Variants in CSMD2 observed in about 807,000 individuals in gnomAD.
CSMD2 encodes the protein CUB and Sushi multiple domains 2, also known as CUB and sushi domain-containing protein 2.
Under a neutral mutation model 398.5 loss-of-function variants are expected in CSMD2, and 130 were observed. The observed-to-expected ratio is 0.33, with a 90% CI of 0.28 to 0.38. The LOEUF (loss-of-function observed/expected upper bound fraction) is 0.38, where lower values mean the gene tolerates loss of function less well. Ranked by LOEUF, CSMD2 falls within the 10% of genes least tolerant of loss-of-function variation. The probability of loss-of-function intolerance (pLI) is 1.00; values close to 1 mark genes in which losing one functional copy is unlikely to be tolerated. For synonymous variants in CSMD2, 1,828 were observed against 1,908.5 expected (o/e 0.96, Z 1.10); for missense variants, 3,829 against 4,764.9 (o/e 0.80, Z 5.78).
intron 24 of CSMD2, among the ~76,000 whole-genome samples, chr1:33,697,700 C>T (rs1016322923): frequency 3.9e-5 from 6 of 152,258 alleles, no homozygotes; most frequent in Non-Finnish European, 7.3e-5. Flanking sequence ...AAAACATTCT[C>T]ATATCCTCCC....
At chr1:33,647,644 GA>G (rs1013947397) in intron 28 of CSMD2, among the ~76,000 whole-genome samples, 6 of 152,132 alleles carry the variant, frequency 3.9e-5, no homozygotes, top group Non-Finnish European at 7.3e-5. Flanking sequence ...ATATCAGCTT[GA>G]AAAAAGCCTC....
intron 2 of CSMD2, among the ~76,000 whole-genome samples, chr1:34,062,371 C>G (rs1654610801): frequency 6.6e-6 from 1 of 152,204 alleles, no homozygotes; most frequent in Admixed American, 6.5e-5. Context: ...GTCCATGGTA[C>G]ACACGACTGG....
At chr1:33,987,888 G>A (rs1047065874) in intron 3 of CSMD2, among the ~76,000 whole-genome samples, 1 of 152,104 alleles carries the variant, frequency 6.6e-6, no homozygotes, top group African/African-American at 2.4e-5. Flanking sequence ...CATCTCCACT[G>A]CTTTAATTCA....
intron 26 of CSMD2, among the ~76,000 whole-genome samples, chr1:33,660,103 T>C (rs1175103788): frequency 1.3e-5 from 2 of 152,182 alleles, no homozygotes; most frequent in East Asian, 1.9e-4. Context: ...TGGGAGGCAA[T>C]AGAGTACAAT....
At chr1:33,682,965 G>T (rs1441011132) in intron 25 of CSMD2, among the ~76,000 whole-genome samples, 2 of 152,136 alleles carry the variant, frequency 1.3e-5, no homozygotes, top group South Asian at 2.1e-4. Context: ...CCCAGGGGAG[G>T]TGATGGCCTT....
chr1:33,960,247 T>TCTCGGC (rs1325737213), intron 3 of CSMD2, among the ~76,000 whole-genome samples: 6 of 152,138 alleles, frequency 3.9e-5, no homozygotes, highest in Non-Finnish European at 8.8e-5. Flanking sequence ...ATGGGATGGG[T>TCTCGGC]CTCGGCCTCA....
chr1:33,706,243 G>C (rs1300817931), intron 22 of CSMD2, among the ~76,000 whole-genome samples: 1 of 152,104 alleles, frequency 6.6e-6, no homozygotes, highest in African/African-American at 2.4e-5. Context: ...ACTGTGGATT[G>C]ATTATCCATT....
At chr1:33,677,858 A>T (rs1458320512) in intron 25 of CSMD2, among the ~76,000 whole-genome samples, 1 of 150,736 alleles carries the variant, frequency 6.6e-6, no homozygotes, top group African/African-American at 2.4e-5. Flanking sequence ...TATCACAAGG[A>T]CAAAAAACCA....
At chr1:34,042,012 C>G (rs902750028) in intron 2 of CSMD2, among the ~76,000 whole-genome samples, 1 of 152,178 alleles carries the variant, frequency 6.6e-6, no homozygotes, top group Non-Finnish European at 1.5e-5. Context: ...AATCTTGGGC[C>G]AAGCTCAGAG....
At chr1:33,871,295 T>C (rs1640441349) in intron 5 of CSMD2, among the ~76,000 whole-genome samples, 1 of 152,170 alleles carries the variant, frequency 6.6e-6, no homozygotes, top group Non-Finnish European at 1.5e-5. Flanking sequence ...TCTGAGAAGC[T>C]TGTTAGAGAA....
chr1:33,777,560 G>A (rs1362037590), intron 12 of CSMD2, among the ~76,000 whole-genome samples: 1 of 152,218 alleles, frequency 6.6e-6, no homozygotes, highest in Non-Finnish European at 1.5e-5. Context: ...TCTGACGTCA[G>A]GACCCAGAAT....
intron 23 of CSMD2, among the ~76,000 whole-genome samples, chr1:33,699,240 G>A (rs187696952): frequency 1.6e-4 from 24 of 152,286 alleles, no homozygotes; most frequent in African/African-American, 5.1e-4. Flanking sequence ...TAGCAGGAGC[G>A]TTCTTTTCAT....
intron 5 of CSMD2, chr1:33,869,278 C>T (rs565380718): frequency 9.8e-5 from 15 of 152,310 alleles, no homozygotes; most frequent in Admixed American, 7.9e-4. Flanking sequence ...AAAGAAGACA[C>T]CAAATCCATG....
At chr1:33,600,821 TTGAA>T in intron 44 of CSMD2, 40 bp downstream of exon 44, 1 of 1,605,596 alleles carries the variant, frequency 6.2e-7, no homozygotes. Flanking sequence ...CAGCCTTGAC[TTGAA>T]AGCCTGGCCC....
intron 6 of CSMD2, chr1:33,839,273 A>G (rs1446704798): frequency 6.6e-6 from 1 of 152,264 alleles, no homozygotes; most frequent in African/African-American, 2.4e-5. Context: ...ATGTCCACTG[A>G]AAGTCTTTGG....
At position 33,928,098 on chromosome 1, in the gene CSMD2, A is replaced by C. The variant is rs12074724; in HGVS notation, c.712+7662T>G. ...ACCATCAGGCTGGAGAAGCTCTGGA[A>C]ATCACAGCATCATTGTGAGTCTCCT... is the stretch of plus-strand genomic sequence containing the variant. On this transcript the variant is annotated intron_variant, in intron 4 of 70. Transcript: ENST00000373381. Among the ~76,000 whole-genome samples, 354 of 152,294 alleles carry C rather than the reference A, an allele frequency of 2.3e-3. 1 individual carries two copies. The highest frequency in any genetic ancestry group is 7.6e-3 in the African/African-American group (315 of 41,570).
intron 62 of CSMD2, 37 bp downstream of exon 62, chr1:33,536,985 G>C (rs377378458): frequency 4.3e-5 from 68 of 1,588,992 alleles, no homozygotes; most frequent in Non-Finnish European, 3.5e-5. Context: ...AGAAGGGATA[G>C]GATGTAGGAA....
intron 10 of CSMD2, among the ~76,000 whole-genome samples, chr1:33,796,035 T>A (rs1217326959): frequency 6.6e-6 from 1 of 152,274 alleles, no homozygotes; most frequent in East Asian, 1.9e-4. Context: ...TGATGTAGCA[T>A]GAACATAGCC....
At chr1:33,729,519 G>C (rs958981154) in intron 15 of CSMD2, among the ~76,000 whole-genome samples, 1 of 138,350 alleles carries the variant, frequency 7.2e-6, no homozygotes, top group African/African-American at 2.7e-5. Context: ...TAGAGTACAT[G>C]TGCACAATGT....
Sources: allele counts gnomAD v4.1 joint callset (sites outside exome capture counted in the v4.1 genomes callset), GRCh38; gene constraint gnomAD v4.1.1; transcripts MANE v1.5; gene names NCBI Gene and HGNC (gene_info 2026-07-23, HGNC 2026-07-21).